The following ANO4 variants were observed in gnomAD, a reference collection of about 807,000 sequenced individuals.
The protein encoded by ANO4 is anoctamin-4.
Under a neutral mutation model 141.9 loss-of-function variants are expected in ANO4, and 69 were observed. The ratio of observed to expected loss-of-function variants is 0.49; its 90% CI spans 0.40 to 0.59. ANO4 has a LOEUF of 0.59. ANO4 is among the 20% of genes least tolerant of loss of function. The probability of loss-of-function intolerance (pLI) is 0.00; values close to 1 mark genes in which losing one functional copy is unlikely to be tolerated. For synonymous variants in ANO4, 350 were observed against 394.3 expected (o/e 0.89, Z 1.33); for missense variants, 894 against 1,162.2 (o/e 0.77, Z 3.36).
intron 8 of ANO4, among the ~76,000 whole-genome samples, chr12:101,006,794 A>G (rs1451413347): frequency 6.6e-6 from 1 of 152,202 alleles, no homozygotes; most frequent in Non-Finnish European, 1.5e-5. Flanking sequence ...ATTATAAAAC[A>G]TTCCTGATAG....
At chr12:101,120,663 A>C (rs1566277432) in intron 26 of ANO4, 38 bp downstream of exon 26, 1 of 1,524,686 alleles carries the variant, frequency 6.6e-7, no homozygotes, top group East Asian at 2.2e-5. Context: ...TTCCTTTGAC[A>C]TAATGAAGTC....
chr12:100,929,328 T>A (rs1237430417), intron 3 of ANO4, among the ~76,000 whole-genome samples: 1 of 152,152 alleles, frequency 6.6e-6, no homozygotes, highest in Non-Finnish European at 1.5e-5. Context: ...TTAGTTCAAT[T>A]GTTTTTAGTT....
At chr12:100,849,578 T>C (rs1355661079) in intron 1 of ANO4, among the ~76,000 whole-genome samples, 1 of 152,204 alleles carries the variant, frequency 6.6e-6, no homozygotes, top group Non-Finnish European at 1.5e-5. Flanking sequence ...GGAGATTCTT[T>C]TTATCTCTTT....
chr12:100,732,899 G>GC (rs574919591), intron 1 of ANO4, among the ~76,000 whole-genome samples: 39 of 152,174 alleles, frequency 2.6e-4, no homozygotes, highest in Admixed American at 5.9e-4. Context: ...GATTTCTTTT[G>GC]CCCCCCTCTG....
intron 14 of ANO4, among the ~76,000 whole-genome samples, chr12:101,071,405 T>C (rs1352839870): frequency 6.6e-6 from 1 of 151,478 alleles, no homozygotes; most frequent in Non-Finnish European, 1.5e-5. Context: ...GAAGTCATTA[T>C]GTTAAGCGAC....
In ANO4 at chr12:101,085,378, T is replaced by A. The variant is rs544395039; in HGVS notation, c.1537-1282T>A. Among the ~76,000 whole-genome samples, 66 of 152,196 alleles carry A rather than the reference T, an allele frequency of 4.3e-4. 1 individual carries two copies. In the South Asian group the frequency reaches 4.8e-3, roughly 11 times the overall value. ...ACCAGCCACAGATGGAAATTTTTTT[T>A]AAAAAAAGGTTAGTTGTAGCTGTAC... On this transcript the variant is annotated intron_variant, in intron 16 of 27. Transcript: ENST00000392977.
intron 1 of ANO4, among the ~76,000 whole-genome samples, chr12:100,804,973 G>T (rs116252795): frequency 6.6e-6 from 1 of 152,002 alleles, no homozygotes; most frequent in South Asian, 2.1e-4. Flanking sequence ...CCATTTGTCC[G>T]TTTTTGCTTT....
At chr12:100,883,423 A>C (rs958050788) in intron 1 of ANO4, among the ~76,000 whole-genome samples, 1 of 152,234 alleles carries the variant, frequency 6.6e-6, no homozygotes, top group African/African-American at 2.4e-5. Flanking sequence ...TTTCAATAAA[A>C]CTTTATTTAC....
chr12:100,775,783 C>G (rs190970847), intron 3 of ANO4, among the ~76,000 whole-genome samples: 1 of 152,102 alleles, frequency 6.6e-6, no homozygotes, highest in East Asian at 1.9e-4. Flanking sequence ...CAGATTTTTT[C>G]TTCCTATTAC....
chr12:100,971,228 C>CG, intron 5 of ANO4, 78 bp from the exon 6 acceptor site: 3 of 964,564 alleles, frequency 3.1e-6, no homozygotes, highest in Non-Finnish European at 4.8e-6. Context: ...CAGGTCCATG[C>CG]ATTCTAAGTT....
intron 3 of ANO4, among the ~76,000 whole-genome samples, chr12:100,766,728 T>C (rs1052221388): frequency 1.3e-5 from 2 of 152,310 alleles, no homozygotes; most frequent in Middle Eastern, 3.4e-3. Flanking sequence ...TGGAAGTCTG[T>C]TTGATCTATA....
intron 17 of ANO4, among the ~76,000 whole-genome samples, chr12:101,089,846 C>A (rs888583362): frequency 2.6e-5 from 4 of 152,074 alleles, no homozygotes; most frequent in African/African-American, 9.7e-5. Flanking sequence ...ACAATCTACC[C>A]ATCTGACAAG....
chr12:101,028,175 G>A (rs1231087480), intron 9 of ANO4, among the ~76,000 whole-genome samples: 1 of 152,104 alleles, frequency 6.6e-6, no homozygotes, highest in Non-Finnish European at 1.5e-5. Flanking sequence ...CCCATCCAGT[G>A]GTCAGCTGCC....
intron 1 of ANO4, among the ~76,000 whole-genome samples, chr12:100,839,044 A>T (rs2037096434): frequency 6.6e-6 from 1 of 152,040 alleles, no homozygotes; most frequent in South Asian, 2.1e-4. Flanking sequence ...AGATAAGCCT[A>T]TTTTCATTAT....
intron 3 of ANO4, among the ~76,000 whole-genome samples, chr12:100,752,804 A>T (rs1385364649): frequency 6.6e-6 from 1 of 152,192 alleles, no homozygotes; most frequent in Non-Finnish European, 1.5e-5. Flanking sequence ...AACTGTGGCA[A>T]AGGATCTATA....
chr12:100,984,391 G>C (rs1004731582), intron 7 of ANO4, among the ~76,000 whole-genome samples: 1 of 152,166 alleles, frequency 6.6e-6, no homozygotes, highest in African/African-American at 2.4e-5. Flanking sequence ...ATGTTCTTTT[G>C]AATGTGTTTC....
intron 7 of ANO4, among the ~76,000 whole-genome samples, chr12:100,985,102 G>A (rs375019216): frequency 6.6e-6 from 1 of 152,166 alleles, no homozygotes; most frequent in South Asian, 2.1e-4. Context: ...AAACCTTTGG[G>A]CCAATGGCCT....
chr12:100,750,800 A>G (rs1026685140), intron 3 of ANO4, among the ~76,000 whole-genome samples: 5 of 152,206 alleles, frequency 3.3e-5, no homozygotes, highest in African/African-American at 1.2e-4. Flanking sequence ...AAACCAAATG[A>G]AAATCCCAGC....
intron 3 of ANO4, among the ~76,000 whole-genome samples, chr12:100,780,868 A>G (rs368922905): frequency 5.9e-5 from 9 of 152,330 alleles, no homozygotes; most frequent in African/African-American, 1.9e-4. Flanking sequence ...TTAGGTGTTA[A>G]TAGTCACAAG....
Sources: gnomAD v4.1 joint callset for allele counts (sites outside exome capture counted in the v4.1 genomes callset) on GRCh38, gnomAD v4.1.1 for gene constraint, MANE v1.5 for transcripts, NCBI Gene and HGNC (gene_info 2026-07-23, HGNC 2026-07-21) for gene names.